The following IGSF11 variants were observed in gnomAD, a reference collection of about 807,000 sequenced individuals.
The protein encoded by IGSF11 is immunoglobulin superfamily member 11, also known as CXADR like 1.
In IGSF11, 22 loss-of-function variants were observed where a neutral mutation model predicts 41.0. The ratio of observed to expected loss-of-function variants is 0.54; its 90% CI spans 0.38 to 0.77. IGSF11 has a LOEUF of 0.77. IGSF11 is among the 30% of genes least tolerant of loss of function. IGSF11 has a pLI of 0.00. For synonymous variants in IGSF11, 219 were observed against 201.3 expected, an observed-to-expected ratio of 1.09 and a Z score of -0.74; for missense variants, 444 against 530.8, an observed-to-expected ratio of 0.84 and a Z score of 1.61.
chr3:118,963,022 A>G (rs996967169), intron 1 of IGSF11, among the ~76,000 whole-genome samples: 2 of 152,126 alleles, frequency 1.3e-5, no homozygotes, highest in African/African-American at 4.8e-5. Flanking sequence ...CTTTGCTGAC[A>G]CAGATGATTG....
chr3:119,026,016 A>T (rs1391325564), intron 1 of IGSF11, among the ~76,000 whole-genome samples: 2 of 152,134 alleles, frequency 1.3e-5, no homozygotes, highest in Non-Finnish European at 2.9e-5. Flanking sequence ...CATGCCTGTA[A>T]TCCCAGCACT....
chr3:119,058,212 G>T (rs1296991177), intron 1 of IGSF11, among the ~76,000 whole-genome samples: 4 of 151,954 alleles, frequency 2.6e-5, no homozygotes, highest in African/African-American at 9.7e-5. Context: ...GAAAATTTTT[G>T]CAACCTACTC....
At chr3:119,137,207 G>T (rs554124814) in intron 1 of IGSF11, among the ~76,000 whole-genome samples, 2 of 150,994 alleles carry the variant, frequency 1.3e-5, no homozygotes, top group African/African-American at 4.9e-5. Context: ...ATTCTTCACA[G>T]AAATAAAAAA....
intron 1 of IGSF11, among the ~76,000 whole-genome samples, chr3:118,999,713 C>CT (rs1430740113): frequency 6.6e-6 from 1 of 152,078 alleles, no homozygotes; most frequent in African/African-American, 2.4e-5. Flanking sequence ...TTAAAATAAA[C>CT]TTCATAACAC....
At chr3:119,000,288 T>G (rs1936687726) in intron 1 of IGSF11, among the ~76,000 whole-genome samples, 1 of 150,576 alleles carries the variant, frequency 6.6e-6, no homozygotes, top group Admixed American at 6.6e-5. Flanking sequence ...AGCTTTTAAT[T>G]CCATCTGTGC....
intron 1 of IGSF11, among the ~76,000 whole-genome samples, chr3:118,990,624 C>G (rs2107651542): frequency 6.6e-6 from 1 of 152,210 alleles, no homozygotes; most frequent in East Asian, 1.9e-4. Flanking sequence ...AGAGTTATAG[C>G]CAACACATTT....
intron 1 of IGSF11, among the ~76,000 whole-genome samples, chr3:119,028,735 C>T (rs1409331989): frequency 6.6e-6 from 1 of 151,694 alleles, no homozygotes; most frequent in Non-Finnish European, 1.5e-5. Flanking sequence ...ATCTCTATCA[C>T]CTGTTCCACA....
chr3:119,142,482 C>T (rs900900848), intron 1 of IGSF11, among the ~76,000 whole-genome samples: 3 of 151,916 alleles, frequency 2.0e-5, no homozygotes, highest in African/African-American at 7.3e-5. Flanking sequence ...TGGACCAAAA[C>T]TTTAAATCAA....
chr3:119,141,324 T>C (rs2107549900), intron 1 of IGSF11, among the ~76,000 whole-genome samples: 1 of 150,858 alleles, frequency 6.6e-6, no homozygotes, highest in East Asian at 2.0e-4. Context: ...GCAACAAAGG[T>C]CCCAAATCAA....
chr3:118,932,250 G>C (rs1271641451), intron 1 of IGSF11, among the ~76,000 whole-genome samples: 1 of 152,164 alleles, frequency 6.6e-6, no homozygotes, highest in Admixed American at 6.5e-5. Flanking sequence ...ACCCTACAAA[G>C]AAGTTATTTT....
At position 119,034,771 on chromosome 3, in the gene IGSF11, G is replaced by A; in HGVS notation, c.-189C>T. The A allele has an allele frequency of 3.8e-6, 5 of 1,309,232 alleles. No homozygotes were observed. The highest frequency in any genetic ancestry group is 4.9e-6 in the Non-Finnish European group (5 of 1,028,316). 81.1% of individuals were successfully genotyped at this position (1,309,232 alleles called of 1,614,324 possible). A position where few individuals can be genotyped will look rare whatever the true frequency, so the allele number is the denominator to read the frequency against. On this transcript the variant is annotated 5_prime_UTR_variant, in exon 1 of 7. Transcript: ENST00000393775. ...GCCAAGTGCAGCTGCAGCGCCGCCCGGCTCCGCGGACGCTGAGCTGTGACC... is the reference window on the plus strand; with the variant it reads ...GCCAAGTGCAGCTGCAGCGCCGCCCAGCTCCGCGGACGCTGAGCTGTGACC...
At chr3:119,111,656 G>C (rs2077163390) in intron 1 of IGSF11, among the ~76,000 whole-genome samples, 1 of 152,246 alleles carries the variant, frequency 6.6e-6, no homozygotes, top group Non-Finnish European at 1.5e-5. Flanking sequence ...CTTTGGAGGA[G>C]GAGAGGCGCT....
intron 4 of IGSF11, among the ~76,000 whole-genome samples, chr3:118,923,895 A>T (rs1432502763): frequency 6.6e-6 from 1 of 152,206 alleles, no homozygotes. Context: ...GTTTACTTTG[A>T]TCACTTGGTT....
intron 4 of IGSF11, among the ~76,000 whole-genome samples, chr3:118,921,371 A>C (rs1476941757): frequency 6.6e-6 from 1 of 152,236 alleles, no homozygotes. Flanking sequence ...GTTAGATAAA[A>C]TCAAAATCTG....
At chr3:119,028,257 A>G (rs1940015031) in intron 1 of IGSF11, among the ~76,000 whole-genome samples, 1 of 152,186 alleles carries the variant, frequency 6.6e-6, no homozygotes, top group African/African-American at 2.4e-5. Flanking sequence ...AAATACATAG[A>G]CTTCAGGAGG....
intron 1 of IGSF11, among the ~76,000 whole-genome samples, chr3:118,972,285 C>A (rs1933536080): frequency 1.3e-5 from 2 of 152,118 alleles, no homozygotes; most frequent in South Asian, 4.1e-4. Flanking sequence ...GTACTGTAAC[C>A]TAAAAAGCAA....
intron 1 of IGSF11, among the ~76,000 whole-genome samples, chr3:118,982,445 A>C (rs998179679): frequency 6.6e-6 from 1 of 152,204 alleles, no homozygotes; most frequent in African/African-American, 2.4e-5. Flanking sequence ...TCATTCACTA[A>C]TAAAATTATT....
chr3:119,137,404 G>A (rs1174464742), intron 1 of IGSF11, among the ~76,000 whole-genome samples: 2 of 152,108 alleles, frequency 1.3e-5, no homozygotes, highest in Non-Finnish European at 2.9e-5. Context: ...AGAAAACCCA[G>A]AAGTAAATCT....
At chr3:119,107,631 C>T (rs75896230), upstream of IGSF11, among the ~76,000 whole-genome samples, 17,542 of 152,006 alleles carry the variant, frequency 0.12, 1,127 homozygotes, top group East Asian at 0.23. Context: ...GTTGCCATTG[C>T]TTTTGGTGTT....
Sources: allele counts gnomAD v4.1 joint callset (sites outside exome capture counted in the v4.1 genomes callset), GRCh38; gene constraint gnomAD v4.1.1; transcripts MANE v1.5; gene names NCBI Gene and HGNC (gene_info 2026-07-23, HGNC 2026-07-21).